Variants in AK5 observed in about 807,000 individuals in gnomAD.
AK5 encodes adenylate kinase 5, also known as adenylate kinase isoenzyme 5.
In AK5, 27 loss-of-function variants were observed where a neutral mutation model predicts 69.5. That is an observed-to-expected ratio of 0.39 (90% CI 0.29 to 0.54). AK5 has a LOEUF of 0.54. AK5 is among the 20% of genes least tolerant of loss of function. AK5 has a pLI of 0.71. For missense variants in AK5, 531 were observed against 700.4 expected (o/e 0.76, Z 2.73); for synonymous variants, 260 against 244.4 (o/e 1.06, Z -0.60).
At chr1:77,323,087 A>G (rs188810202) in intron 5 of AK5, among the ~76,000 whole-genome samples, 3 of 151,866 alleles carry the variant, frequency 2.0e-5, no homozygotes, top group Admixed American at 2.0e-4. Context: ...TCCCAGGTTC[A>G]AGCAGTTCTC....
chr1:77,444,715 A>C (rs1652637189), intron 8 of AK5, among the ~76,000 whole-genome samples: 1 of 140,572 alleles, frequency 7.1e-6, no homozygotes. Context: ...ATATTGTATA[A>C]ATATATACAA....
intron 5 of AK5, among the ~76,000 whole-genome samples, chr1:77,331,370 A>G (rs1019185883): frequency 6.6e-6 from 1 of 152,138 alleles, no homozygotes; most frequent in Admixed American, 6.5e-5. Context: ...TTTGTTCTTT[A>G]TCACATGAAA....
intron 6 of AK5, among the ~76,000 whole-genome samples, chr1:77,380,451 T>C (rs936502679): frequency 5.3e-5 from 8 of 152,162 alleles, no homozygotes; most frequent in Non-Finnish European, 1.2e-4. Context: ...ACTCTACCAT[T>C]CCCCACATTT....
intron 8 of AK5, among the ~76,000 whole-genome samples, chr1:77,467,716 C>A (rs983645558): frequency 6.6e-6 from 1 of 152,152 alleles, no homozygotes; most frequent in African/African-American, 2.4e-5. Context: ...TTGATTCCAG[C>A]CTATGAAATA....
At chr1:77,373,620 G>A (rs1185164632) in intron 6 of AK5, among the ~76,000 whole-genome samples, 1 of 152,090 alleles carries the variant, frequency 6.6e-6, no homozygotes, top group Non-Finnish European at 1.5e-5. Context: ...CAGCTACTCG[G>A]GAGGCTGAGG....
intron 10 of AK5, among the ~76,000 whole-genome samples, chr1:77,501,902 C>T (rs924873687): frequency 3.3e-5 from 5 of 152,220 alleles, no homozygotes; most frequent in African/African-American, 1.2e-4. Flanking sequence ...ATTTCACTCA[C>T]TCCTGTTTGG....
intron 2 of AK5, among the ~76,000 whole-genome samples, chr1:77,291,459 C>T (rs1461509388): frequency 6.6e-6 from 1 of 151,990 alleles, no homozygotes; most frequent in African/African-American, 2.4e-5. Context: ...TTCCTAAAAC[C>T]TATATTTCAT....
At chr1:77,418,525 A>C (rs933617557) in intron 8 of AK5, among the ~76,000 whole-genome samples, 1 of 152,236 alleles carries the variant, frequency 6.6e-6, no homozygotes, top group Non-Finnish European at 1.5e-5. Flanking sequence ...CTTTGAATAA[A>C]ACTGAAGACA....
intron 13 of AK5, among the ~76,000 whole-genome samples, chr1:77,552,929 A>G (rs928012021): frequency 2.6e-5 from 4 of 152,176 alleles, no homozygotes; most frequent in African/African-American, 9.7e-5. Flanking sequence ...AGTCTCAGCT[A>G]ATCAGGAGGC....
At position 77,521,832 on chromosome 1, in the gene AK5, C is replaced by G; in HGVS notation, c.1317C>G (p.Ile439Met). 1 of 1,613,092 alleles carries G rather than the reference C, an allele frequency of 6.2e-7. No individual in the cohort carries two copies. The highest frequency in any genetic ancestry group is 8.5e-7 in the Non-Finnish European group (1 of 1,179,304). ...MERGDLVPSG[I>M]VLELLKEAMV... ...CCACTCTCGCTTTGCTCCAGGGCAT[C>G]GTTTTGGAGCTCCTGAAGGAGGCCA... The change falls in exon 12 of 14, where the codon ATC (isoleucine) becomes ATG (methionine). Residue 439 changes from isoleucine to methionine, a missense_variant. By Grantham distance (10) the Ile-to-Met change is conservative. Transcript: ENST00000354567.
At chr1:77,300,138 G>A (rs191660920) in intron 5 of AK5, among the ~76,000 whole-genome samples, 2 of 152,126 alleles carry the variant, frequency 1.3e-5, no homozygotes, top group Non-Finnish European at 2.9e-5. Flanking sequence ...GAGAGGGAGG[G>A]AAGAGAGGAT....
chr1:77,519,956 C>A (rs1468966144), intron 11 of AK5, among the ~76,000 whole-genome samples: 1 of 152,160 alleles, frequency 6.6e-6, no homozygotes, highest in Non-Finnish European at 1.5e-5. Flanking sequence ...GTAATCCCAG[C>A]ACTTTGGGAG....
chr1:77,475,402 T>C, intron 8 of AK5, among the ~76,000 whole-genome samples: 1 of 7,696 alleles, frequency 1.3e-4, no homozygotes, highest in African/African-American at 2.4e-4. Flanking sequence ...ATATATAATA[T>C]ATATGTATAT....
intron 10 of AK5, among the ~76,000 whole-genome samples, chr1:77,510,998 T>C (rs1445977448): frequency 4.7e-5 from 7 of 149,262 alleles, no homozygotes; most frequent in Admixed American, 4.7e-4. Context: ...ATTTACATTA[T>C]ATATATTTCT....
At chr1:77,453,276 A>G (rs532792495) in intron 8 of AK5, among the ~76,000 whole-genome samples, 26 of 152,368 alleles carry the variant, frequency 1.7e-4, no homozygotes, top group African/African-American at 6.3e-4. Context: ...ACCTAGAGCA[A>G]CACATGGCAC....
At chr1:77,313,870 C>A (rs192542494) in intron 5 of AK5, 1 of 532,532 alleles carries the variant, frequency 1.9e-6, no homozygotes, top group Admixed American at 1.9e-5. Flanking sequence ...CGGGGTATGT[C>A]CAGTCCGTCA....
chr1:77,485,967 A>T (rs990028123), intron 9 of AK5, among the ~76,000 whole-genome samples: 4 of 152,130 alleles, frequency 2.6e-5, no homozygotes, highest in African/African-American at 9.7e-5. Flanking sequence ...AAATACAAAA[A>T]GTAGCCAGGT....
chr1:77,558,156 T>C (rs924458625), intron 13 of AK5, among the ~76,000 whole-genome samples: 3 of 152,262 alleles, frequency 2.0e-5, no homozygotes, highest in Non-Finnish European at 4.4e-5. Flanking sequence ...ATGAAGTTGC[T>C]GTCAACATCC....
chr1:77,387,835 G>T (rs1648134746), intron 6 of AK5, among the ~76,000 whole-genome samples: 1 of 152,148 alleles, frequency 6.6e-6, no homozygotes, highest in South Asian at 2.1e-4. Context: ...AACATTTTTA[G>T]GGAACAACTG....
Sources: gnomAD v4.1 joint callset for allele counts (sites outside exome capture counted in the v4.1 genomes callset) on GRCh38, gnomAD v4.1.1 for gene constraint, MANE v1.5 for transcripts, NCBI Gene and HGNC (gene_info 2026-07-23, HGNC 2026-07-21) for gene names.